PTPRD: variants seen among roughly 807,000 people sequenced by gnomAD.
PTPRD encodes receptor-type tyrosine-protein phosphatase delta.
PTPRD carries 34 observed loss-of-function variants against 214.5 expected under a neutral mutation model. The ratio of observed to expected loss-of-function variants is 0.16; its 90% CI spans 0.12 to 0.21. The LOEUF (loss-of-function observed/expected upper bound fraction) is 0.21, where lower values mean the gene tolerates loss of function less well. Ranked by LOEUF, PTPRD falls within the 10% of genes least tolerant of loss-of-function variation. The pLI, the probability that PTPRD is intolerant of heterozygous loss-of-function variation, is 1.00. For synonymous variants in PTPRD, 1,128 were observed against 845.7 expected, an observed-to-expected ratio of 1.33 and a Z score of -5.79; for missense variants, 2,545 against 2,398.7, an observed-to-expected ratio of 1.06 and a Z score of -1.27.
chr9:9,454,159 T>G (rs1380656596), intron 8 of PTPRD, among the ~76,000 whole-genome samples: 1 of 151,772 alleles, frequency 6.6e-6, no homozygotes, highest in Non-Finnish European at 1.5e-5. Context: ...CTAAACAAAT[T>G]GAGCATCTTT....
rs1327297205 is a variant in PTPRD at position 8,484,131 on chromosome 9, T to G, written c.3401A>C (p.Asn1134Thr). 1.2e-6 allele frequency: 2 copies of G among 1,613,712 alleles called. No individual in the cohort carries two copies. Among genetic ancestry groups the G allele is most frequent in the Non-Finnish European group, 1.7e-6 (2 of 1,179,754 alleles). Residue 1134 changes from asparagine to threonine, a missense_variant, in exon 30 of 46, where the codon AAT (asparagine) becomes ACT (threonine). By Grantham distance (65) the Asn-to-Thr change is moderately conservative (BLOSUM62 0). Transcript: ENST00000381196. ...ITVQLPEVPA[N>T]ENIKGYYIII... Reference sequence around the variant, plus strand: ...TCAATCAACTTACTTTATATTCTCATTTGCAGGTACTTCAGGCAGTTGCAC... The same window carrying G: ...TCAATCAACTTACTTTATATTCTCAGTTGCAGGTACTTCAGGCAGTTGCAC...
intron 11 of PTPRD, among the ~76,000 whole-genome samples, chr9:8,929,707 A>ATATATATATGTGTATATATATATGTG (rs1377498649): frequency 2.5e-5 from 3 of 122,170 alleles, no homozygotes; most frequent in African/African-American, 3.5e-5. Flanking sequence ...ATATATGTGT[A>ATATATATATGTGTATATATATATGTG]TATATATATG....
At chr9:8,402,666 G>C (rs1018152965) in intron 36 of PTPRD, among the ~76,000 whole-genome samples, 6 of 145,694 alleles carry the variant, frequency 4.1e-5, no homozygotes, top group Admixed American at 2.1e-4. Context: ...TTATGGAGAT[G>C]ATTTAAGAGA....
At chr9:8,754,288 CAAGAATAGCCAAGACAATCTTATAG>C (rs2093792011) in intron 11 of PTPRD, among the ~76,000 whole-genome samples, 1 of 152,096 alleles carries the variant, frequency 6.6e-6, no homozygotes, top group South Asian at 2.1e-4. Flanking sequence ...TGCAAAAACA[CAAGAATAGCCAAGACAATCTTATAG>C]AAAAACAAAT....
chr9:10,037,265 T>A (rs1451843369), intron 3 of PTPRD, among the ~76,000 whole-genome samples: 1 of 152,066 alleles, frequency 6.6e-6, no homozygotes, highest in African/African-American at 2.4e-5. Flanking sequence ...ATCCTCAATG[T>A]TGGAGGTGGG....
chr9:8,661,261 G>C (rs527355800), intron 12 of PTPRD, among the ~76,000 whole-genome samples: 51 of 152,104 alleles, frequency 3.4e-4, no homozygotes, highest in African/African-American at 1.2e-3. Flanking sequence ...AGGAGAAATC[G>C]CCTCTTCATC....
intron 2 of PTPRD, among the ~76,000 whole-genome samples, chr9:10,483,928 T>C (rs1040299825): frequency 2.0e-5 from 3 of 152,074 alleles, no homozygotes; most frequent in East Asian, 1.9e-4. Context: ...CTACTGCTCA[T>C]CTATCCAAAG....
intron 14 of PTPRD, among the ~76,000 whole-genome samples, chr9:8,558,966 A>C (rs2085076577): frequency 6.6e-6 from 1 of 152,238 alleles, no homozygotes; most frequent in East Asian, 1.9e-4. Flanking sequence ...ACTCAAAATA[A>C]TAATATTCAC....
intron 5 of PTPRD, among the ~76,000 whole-genome samples, chr9:9,814,313 A>AAG (rs2048070008): frequency 6.6e-6 from 1 of 151,626 alleles, no homozygotes; most frequent in African/African-American, 2.4e-5. Context: ...AGAAAGAAAA[A>AAG]AAAAAAAGCA....
chr9:9,341,194 G>A (rs1212593022), intron 9 of PTPRD, among the ~76,000 whole-genome samples: 1 of 152,032 alleles, frequency 6.6e-6, no homozygotes, highest in Non-Finnish European at 1.5e-5. Context: ...CAAAAATGGT[G>A]TTTCTGGTGT....
At chr9:8,696,701 ACGG>A (rs1284733099) in intron 12 of PTPRD, among the ~76,000 whole-genome samples, 2 of 152,210 alleles carry the variant, frequency 1.3e-5, no homozygotes, top group Non-Finnish European at 2.9e-5. Flanking sequence ...ACATAAGATG[ACGG>A]CAGAGAGGAA....
At chr9:10,269,852 A>T (rs2094319049) in intron 3 of PTPRD, among the ~76,000 whole-genome samples, 1 of 152,186 alleles carries the variant, frequency 6.6e-6, no homozygotes. Context: ...CTTCAAAAAA[A>T]TTAAAAACTG....
chr9:9,865,097 T>G (rs980405906), intron 5 of PTPRD, among the ~76,000 whole-genome samples: 3 of 152,158 alleles, frequency 2.0e-5, no homozygotes, highest in African/African-American at 7.2e-5. Context: ...AATCTACTGT[T>G]TCTAAAAGAT....
At chr9:10,384,535 C>T (rs1359723583) in intron 2 of PTPRD, among the ~76,000 whole-genome samples, 1 of 151,700 alleles carries the variant, frequency 6.6e-6, no homozygotes, top group Admixed American at 6.6e-5. Context: ...AAGAACTTTA[C>T]ATGTCTGTGA....
At chr9:8,604,492 G>A (rs778498783) in intron 14 of PTPRD, among the ~76,000 whole-genome samples, 1 of 152,104 alleles carries the variant, frequency 6.6e-6, no homozygotes, top group Non-Finnish European at 1.5e-5. Context: ...ATCAGATAAG[G>A]GTAAGTCCAA....
intron 39 of PTPRD, among the ~76,000 whole-genome samples, chr9:8,367,268 T>C (rs373105760): frequency 7.2e-5 from 11 of 152,260 alleles, no homozygotes; most frequent in South Asian, 4.2e-4. Context: ...GGGTTATCGT[T>C]TGGACCCAAT....
chr9:8,719,757 G>A (rs1327180503), intron 12 of PTPRD, among the ~76,000 whole-genome samples: 1 of 151,908 alleles, frequency 6.6e-6, no homozygotes, highest in Non-Finnish European at 1.5e-5. Context: ...GCTGACCTCT[G>A]GTCAAAAGGC....
chr9:9,673,041 A>G (rs1235892794), intron 7 of PTPRD, among the ~76,000 whole-genome samples: 1 of 152,018 alleles, frequency 6.6e-6, no homozygotes, highest in Non-Finnish European at 1.5e-5. Context: ...CAAATTACCA[A>G]TGCTGCAGAA....
At chr9:8,867,352 TC>T (rs1406427824) in intron 11 of PTPRD, among the ~76,000 whole-genome samples, 3 of 152,088 alleles carry the variant, frequency 2.0e-5, no homozygotes, top group African/African-American at 7.2e-5. Flanking sequence ...TGCTCTGCCC[TC>T]CCCCTTGGCA....
Sources: allele counts gnomAD v4.1 joint callset (sites outside exome capture counted in the v4.1 genomes callset), GRCh38; gene constraint gnomAD v4.1.1; transcripts MANE v1.5; gene names NCBI Gene and HGNC (gene_info 2026-07-23, HGNC 2026-07-21).